RBM27: variants seen among roughly 807,000 people sequenced by gnomAD.
RBM27 encodes the protein RNA-binding protein 27.
In RBM27, 22 loss-of-function variants were observed where a neutral mutation model predicts 135.3. The ratio of observed to expected loss-of-function variants is 0.16; its 90% CI spans 0.12 to 0.23. The LOEUF is 0.23. Among genes scored for constraint, RBM27 ranks in the 10% least tolerant of loss-of-function variants. The probability of loss-of-function intolerance (pLI) is 1.00; values close to 1 mark genes in which losing one functional copy is unlikely to be tolerated. For synonymous variants in RBM27, 481 were observed against 442.4 expected (o/e 1.09, Z -1.10); for missense variants, 1,009 against 1,281.0 (o/e 0.79, Z 3.24).
intron 11 of RBM27, among the ~76,000 whole-genome samples, chr5:146,259,466 T>G: frequency 7.2e-6 from 1 of 137,962 alleles, no homozygotes; most frequent in African/African-American, 2.8e-5. Flanking sequence ...ATTGCACCAT[T>G]GCACTCCAGT....
At chr5:146,252,803 C>T (rs1757953557) in intron 9 of RBM27, among the ~76,000 whole-genome samples, 1 of 152,042 alleles carries the variant, frequency 6.6e-6, no homozygotes, top group African/African-American at 2.4e-5. Flanking sequence ...CAGTGTGTTT[C>T]CATCAGGAGG....
intron 19 of RBM27, among the ~76,000 whole-genome samples, chr5:146,279,548 C>G (rs1210146693): frequency 1.3e-5 from 2 of 151,948 alleles, no homozygotes; most frequent in African/African-American, 4.8e-5. Context: ...TGGCTCACGC[C>G]TATAATCACA....
At chr5:146,260,941 G>C (rs1377458255) in intron 12 of RBM27, 43 bp downstream of exon 12, 2 of 1,550,270 alleles carry the variant, frequency 1.3e-6, no homozygotes, top group Non-Finnish European at 1.8e-6. Flanking sequence ...GCATTTTATG[G>C]GTCTTGGGAA....
intron 11 of RBM27, among the ~76,000 whole-genome samples, chr5:146,259,375 G>A (rs1434321464): frequency 2.0e-5 from 3 of 151,626 alleles, no homozygotes; most frequent in East Asian, 2.0e-4. Flanking sequence ...GTGGTGGCAC[G>A]CGCCTGTAAT....
At chr5:146,211,906 T>C (rs913839893) in intron 1 of RBM27, among the ~76,000 whole-genome samples, 6 of 152,090 alleles carry the variant, frequency 3.9e-5, no homozygotes, top group Non-Finnish European at 7.4e-5. Flanking sequence ...AAATTATTAG[T>C]ATTTATTTTG....
Position 146,233,677 on chromosome 5 carries a change from A to G in RBM27, c.1078A>G (p.Ser360Gly). The G allele has an allele frequency of 6.6e-7, 1 of 1,524,242 alleles. No homozygotes were observed. The highest frequency in any genetic ancestry group is 8.8e-7 in the Non-Finnish European group (1 of 1,142,472). 94.4% of individuals were successfully genotyped at this position (1,524,242 alleles called of 1,614,324 possible). A position where few individuals can be genotyped will look rare whatever the true frequency, so the allele number is the denominator to read the frequency against. The change falls in exon 7 of 21, where the codon AGT (serine) becomes GGT (glycine). Residue 360 changes from serine (S) to glycine (G), a missense_variant. This residue lies in a region of RBM27 where 329 missense variants were observed against 368.1 expected (regional missense o/e 0.89). Coordinates refer to ENST00000265271, the MANE Select transcript of RBM27 (RefSeq NM_018989.2). Reference protein sequence around the residue: ...GPGPGPGPGHSMRLPVPQGHG... With the variant: ...GPGPGPGPGHGMRLPVPQGHG... ...GGGCCCAGGTCCAGGTCCTGGCCATAGTATGAGACTTCCTGTTCCCCAAGG... is the reference window on the plus strand; with the variant it reads ...GGGCCCAGGTCCAGGTCCTGGCCATGGTATGAGACTTCCTGTTCCCCAAGG...
intron 1 of RBM27, among the ~76,000 whole-genome samples, chr5:146,208,473 A>G (rs563135470): frequency 6.6e-5 from 10 of 152,148 alleles, no homozygotes; most frequent in Non-Finnish European, 1.3e-4. Context: ...TTTGTTGGCA[A>G]TGCAGTAAAA....
At chr5:146,248,755 C>T (rs145329431) in intron 8 of RBM27, among the ~76,000 whole-genome samples, 19 of 152,218 alleles carry the variant, frequency 1.2e-4, no homozygotes, top group East Asian at 3.9e-4. Flanking sequence ...TGTGAGCCAT[C>T]GTGCTCGGCC....
chr5:146,234,549 A>G (rs1238900447), intron 7 of RBM27, among the ~76,000 whole-genome samples: 2 of 152,088 alleles, frequency 1.3e-5, no homozygotes, highest in African/African-American at 4.8e-5. Flanking sequence ...CCATTATCAC[A>G]TCCAGCAAAA....
chr5:146,269,236 G>GA lies in RBM27; in HGVS notation c.2488dup (p.Arg830LysfsTer50). 6.2e-7 allele frequency: 1 copy of GA among 1,606,916 alleles called. No homozygotes were observed. Among genetic ancestry groups the GA allele is most frequent in the Non-Finnish European group, 8.5e-7 (1 of 1,175,950 alleles). ...CAATGAAGTTACAACAAGATATGAG[G>GA]AAAAAAAGACAGGAAGTGTTAGAAA... On this transcript the variant is annotated frameshift_variant, in exon 16 of 21. Transcript: ENST00000265271. LOFTEE classifies it high-confidence loss of function.
chr5:146,237,329 C>G lies in RBM27; in HGVS notation c.1176C>G (p.Asn392Lys). The G allele has an allele frequency of 6.2e-7, 1 of 1,614,172 alleles. No homozygotes were observed. Among genetic ancestry groups the G allele is most frequent in the Non-Finnish European group, 8.5e-7 (1 of 1,180,028 alleles). Residue 392 changes from asparagine to lysine, a missense_variant, in exon 8 of 21, where the codon AAC becomes AAG. Transcript: ENST00000265271. ...RPPITQSSLI[N>K]SRDQPGTSAV... ...CTATAACACAATCAAGCTTGATAAACAGCCGTGACCAGCCTGGGACAAGTG... is the reference window on the plus strand; with the variant it reads ...CTATAACACAATCAAGCTTGATAAAGAGCCGTGACCAGCCTGGGACAAGTG...
intron 2 of RBM27, among the ~76,000 whole-genome samples, chr5:146,223,174 G>A (rs184524084): frequency 7.9e-5 from 12 of 152,030 alleles, no homozygotes; most frequent in Admixed American, 1.3e-4. Context: ...GTTTCCGATC[G>A]TTTGCTATTA....
At chr5:146,234,471 C>T (rs1757075830) in intron 7 of RBM27, among the ~76,000 whole-genome samples, 1 of 150,928 alleles carries the variant, frequency 6.6e-6, no homozygotes, top group Non-Finnish European at 1.5e-5. Context: ...CCAGTATGTA[C>T]TTCAGTATGG....
chr5:146,257,041 G>A (rs1429040095), intron 10 of RBM27, among the ~76,000 whole-genome samples: 1 of 152,160 alleles, frequency 6.6e-6, no homozygotes, highest in African/African-American at 2.4e-5. Context: ...CACAAGTCCC[G>A]CAAGAGCAAG....
intron 1 of RBM27, among the ~76,000 whole-genome samples, chr5:146,211,494 T>TTTTTTA (rs1755951478): frequency 2.8e-5 from 3 of 108,516 alleles, no homozygotes; most frequent in Admixed American, 1.0e-4. Flanking sequence ...TTTTTTTTTT[T>TTTTTTA]ACTTTGAGAG....
In RBM27 at chr5:146,223,546, C is replaced by A; in HGVS notation, c.303+19C>A. 1.3e-6 allele frequency: 2 copies of A among 1,591,926 alleles called. No individual in the cohort carries two copies. The highest frequency in any genetic ancestry group is 2.3e-5 in the South Asian group (2 of 86,376). ...AGAAGAGGTAATGCAAATTTTTTCTCCTGCTTTTGGGGGCTTCTTAGATCC... is the reference window on the plus strand; with the variant it reads ...AGAAGAGGTAATGCAAATTTTTTCTACTGCTTTTGGGGGCTTCTTAGATCC... On this transcript the variant is annotated intron_variant, in intron 3 of 20. Transcript: ENST00000265271.
intron 8 of RBM27, among the ~76,000 whole-genome samples, chr5:146,238,692 T>C (rs1217270025): frequency 6.6e-6 from 1 of 151,986 alleles, no homozygotes; most frequent in South Asian, 2.1e-4. Flanking sequence ...CTGGTAACTT[T>C]ATGGATATGT....
chr5:146,203,875 C>A (rs13168092), intron 1 of RBM27, 51 bp downstream of exon 1: 1 of 280,428 alleles, frequency 3.6e-6, no homozygotes. Context: ...GTTGGGGGCT[C>A]GCGGGGGCGT....
chr5:146,219,850 C>T (rs1007011267), intron 2 of RBM27, among the ~76,000 whole-genome samples: 1 of 151,892 alleles, frequency 6.6e-6, no homozygotes, highest in East Asian at 1.9e-4. Context: ...TCCTTCCAAC[C>T]CTGTTTTGTT....
Sources: allele counts gnomAD v4.1 joint callset (sites outside exome capture counted in the v4.1 genomes callset), GRCh38; gene constraint gnomAD v4.1.1; regional missense constraint gnomAD v4.1.1; transcripts MANE v1.5; gene names NCBI Gene and HGNC (gene_info 2026-07-23, HGNC 2026-07-21).